The following DYNC1I1 variants were observed in gnomAD, a reference collection of about 807,000 sequenced individuals.
The protein encoded by DYNC1I1 is dynein cytoplasmic 1 intermediate chain 1.
Under a neutral mutation model 86.6 loss-of-function variants are expected in DYNC1I1, and 43 were observed. The ratio of observed to expected loss-of-function variants is 0.50; its 90% CI spans 0.39 to 0.64. The LOEUF (loss-of-function observed/expected upper bound fraction) is 0.64. DYNC1I1 is among the 30% of genes least tolerant of loss of function. The pLI is 0.00. For synonymous variants in DYNC1I1, 262 were observed against 283.7 expected (o/e 0.92, Z 0.77); for missense variants, 604 against 788.8 (o/e 0.77, Z 2.81).
At chr7:95,819,279 G>A (rs1244295946) in intron 4 of DYNC1I1, among the ~76,000 whole-genome samples, 1 of 152,126 alleles carries the variant, frequency 6.6e-6, no homozygotes, top group Non-Finnish European at 1.5e-5. Flanking sequence ...GAAAGCTTTG[G>A]TTAAATTTAG....
chr7:96,017,918 G>A (rs893896045), intron 10 of DYNC1I1, among the ~76,000 whole-genome samples: 1 of 152,118 alleles, frequency 6.6e-6, no homozygotes, highest in Non-Finnish European at 1.5e-5. Flanking sequence ...GCTGCTAGCT[G>A]TTCATTAGAC....
chr7:95,993,705 ACT>A (rs1232994704), intron 9 of DYNC1I1, among the ~76,000 whole-genome samples: 2 of 152,148 alleles, frequency 1.3e-5, no homozygotes, highest in East Asian at 3.9e-4. Context: ...GCACATTGTA[ACT>A]CTCTGCAGAT....
Position 95,775,721 on chromosome 7 carries a change from T to A in DYNC1I1, c.-10+2948T>A, listed in dbSNP as rs546676819. ...GAAAGTAGCTGTTATACTTTGTGGA[T>A]CTCAAATGCTGTGTAAATAGTTGCT... On this transcript the variant is annotated intron_variant, in intron 1 of 16. Coordinates refer to ENST00000447467, the MANE Select transcript of DYNC1I1 (RefSeq NM_001135556.2). 3.9e-5 allele frequency among the ~76,000 whole-genome samples: 6 copies of A among 152,326 alleles called. No individual in the cohort carries two copies. The East Asian group carries it at 1.2e-3, about 29-fold the overall frequency.
intron 5 of DYNC1I1, among the ~76,000 whole-genome samples, chr7:95,836,462 C>T (rs968356385): frequency 9.9e-5 from 15 of 151,316 alleles, no homozygotes; most frequent in Non-Finnish European, 1.8e-4. Flanking sequence ...TTGCTCTTCT[C>T]GAGGAGTATC....
At chr7:95,919,538 C>T (rs982765572) in intron 6 of DYNC1I1, among the ~76,000 whole-genome samples, 7 of 152,138 alleles carry the variant, frequency 4.6e-5, no homozygotes, top group South Asian at 2.1e-4. Flanking sequence ...GTTATGACAT[C>T]ATATGAGAAA....
intron 1 of DYNC1I1, among the ~76,000 whole-genome samples, chr7:95,775,019 A>T (rs1793806767): frequency 6.6e-6 from 1 of 152,258 alleles, no homozygotes. Context: ...AACAGTAGCT[A>T]AAATATATTG....
At chr7:95,888,619 T>C (rs1790658166) in intron 6 of DYNC1I1, among the ~76,000 whole-genome samples, 1 of 152,018 alleles carries the variant, frequency 6.6e-6, no homozygotes. Flanking sequence ...TTTAGCAAAA[T>C]GTGATTTTTC....
intron 6 of DYNC1I1, among the ~76,000 whole-genome samples, chr7:95,870,933 G>A (rs1027677332): frequency 1.3e-5 from 2 of 152,224 alleles, no homozygotes; most frequent in Admixed American, 6.5e-5. Context: ...TTTATTCTTC[G>A]GTGGGTGAAG....
intron 1 of DYNC1I1, among the ~76,000 whole-genome samples, chr7:95,799,333 C>T (rs766671390): frequency 9.9e-5 from 15 of 152,068 alleles, no homozygotes; most frequent in Non-Finnish European, 1.5e-4. Context: ...GAGCCGAGAT[C>T]GGGCCACTGC....
chr7:95,831,767 T>C (rs891645127), intron 5 of DYNC1I1, among the ~76,000 whole-genome samples: 14 of 152,312 alleles, frequency 9.2e-5, no homozygotes, highest in Admixed American at 8.5e-4. Flanking sequence ...CTTTTTCATA[T>C]ACATATTGGT....
At chr7:95,881,796 C>A (rs1210134131) in intron 6 of DYNC1I1, among the ~76,000 whole-genome samples, 2 of 152,248 alleles carry the variant, frequency 1.3e-5, no homozygotes. Flanking sequence ...AGCCCATTCA[C>A]ATTTCCTGAT....
chr7:95,933,440 G>T (rs1791955614), intron 6 of DYNC1I1, among the ~76,000 whole-genome samples: 1 of 152,240 alleles, frequency 6.6e-6, no homozygotes, highest in Admixed American at 6.5e-5. Flanking sequence ...TGTCTCAAAA[G>T]GGTTAATCAG....
At chr7:95,998,824 A>G (rs969718076) in intron 10 of DYNC1I1, among the ~76,000 whole-genome samples, 13 of 152,100 alleles carry the variant, frequency 8.5e-5, no homozygotes, top group African/African-American at 3.1e-4. Flanking sequence ...GCATTGTGTC[A>G]GTCAGTGGAA....
chr7:96,007,221 G>A (rs1230164505), intron 10 of DYNC1I1, among the ~76,000 whole-genome samples: 1 of 152,038 alleles, frequency 6.6e-6, no homozygotes, highest in Non-Finnish European at 1.5e-5. Flanking sequence ...AATGGGAAGT[G>A]GACTCTGTGA....
At chr7:95,972,657 G>C (rs374310899) in intron 6 of DYNC1I1, among the ~76,000 whole-genome samples, 3 of 152,218 alleles carry the variant, frequency 2.0e-5, no homozygotes, top group East Asian at 3.9e-4. Context: ...CATTTGTAAG[G>C]CTATCAAAAC....
downstream of DYNC1I1, among the ~76,000 whole-genome samples, chr7:96,100,650 T>TGTGTGTGTGTG (rs1791119550): frequency 7.0e-6 from 1 of 142,848 alleles, no homozygotes; most frequent in African/African-American, 2.6e-5. Flanking sequence ...TTTGAGGGTT[T>TGTGTGTGTGTG]TGTGTGTGTG....
At chr7:95,782,633 G>T (rs1349136968) in intron 1 of DYNC1I1, among the ~76,000 whole-genome samples, 1 of 152,220 alleles carries the variant, frequency 6.6e-6, no homozygotes, top group Non-Finnish European at 1.5e-5. Flanking sequence ...AGATGGCTAA[G>T]TATTAAACCA....
intron 5 of DYNC1I1, among the ~76,000 whole-genome samples, chr7:95,869,427 C>T (rs1011858361): frequency 4.6e-5 from 7 of 152,080 alleles, no homozygotes; most frequent in Non-Finnish European, 8.8e-5. Flanking sequence ...AATATAATCC[C>T]CTCACTGCTA....
At position 96,070,369 on chromosome 7, in the gene DYNC1I1, A is replaced by G. The variant is rs540718792; in HGVS notation, c.1510-5688A>G. On this transcript the variant is annotated intron_variant, in intron 14 of 16. Transcript: ENST00000447467. ...TTGGGGTCCTTTGGTGGTTTTTTAA[A>G]AGCGATATTGTGGTCTCACATTTTA... Among the ~76,000 whole-genome samples, 8 of 152,220 alleles carry G rather than the reference A, an allele frequency of 5.3e-5. 1 individual carries two copies. In the South Asian group the frequency reaches 1.7e-3, roughly 32 times the overall value.
Sources: gnomAD v4.1 joint callset for allele counts (sites outside exome capture counted in the v4.1 genomes callset) on GRCh38, gnomAD v4.1.1 for gene constraint, MANE v1.5 for transcripts, NCBI Gene and HGNC (gene_info 2026-07-23, HGNC 2026-07-21) for gene names.